SERINC5: variants seen among roughly 807,000 people sequenced by gnomAD.
The protein encoded by SERINC5 is serine incorporator 5, also known as chromosome 5 open reading frame 12.
A neutral mutation model predicts 63.1 loss-of-function variants in SERINC5; 41 were observed. That is an observed-to-expected ratio of 0.65 (90% CI 0.51 to 0.84). SERINC5 has a LOEUF of 0.84. SERINC5 is among the 40% of genes least tolerant of loss of function. The probability of loss-of-function intolerance (pLI) is 0.00; values close to 1 mark genes in which losing one functional copy is unlikely to be tolerated. For synonymous variants in SERINC5, 222 were observed against 215.2 expected (o/e 1.03, Z -0.28); for missense variants, 523 against 573.0 (o/e 0.91, Z 0.89).
chr5:80,176,012 C>A (rs1748009538), intron 4 of SERINC5, among the ~76,000 whole-genome samples: 1 of 151,866 alleles, frequency 6.6e-6, no homozygotes, highest in Non-Finnish European at 1.5e-5. Flanking sequence ...AACCCCGTCT[C>A]TACTAAAAAT....
At chr5:80,218,062 C>T (rs936662673) in intron 1 of SERINC5, among the ~76,000 whole-genome samples, 1 of 152,184 alleles carries the variant, frequency 6.6e-6, no homozygotes, top group Non-Finnish European at 1.5e-5. Flanking sequence ...AGGAAGTCAT[C>T]GTTAGTAGCT....
At position 80,140,540 on chromosome 5, in the gene SERINC5, T is replaced by C. The variant is rs1481095862; in HGVS notation, c.*3123A>G. 1 of 983,826 alleles carries C rather than the reference T, an allele frequency of 1.0e-6. No homozygotes were observed. The highest frequency in any genetic ancestry group is 1.2e-6 in the Non-Finnish European group (1 of 829,604). The allele number at this position is 983,826 out of a possible 1,614,324, so 60.9% of individuals were successfully genotyped here. A position where few individuals can be genotyped will look rare whatever the true frequency, so the allele number is the denominator to read the frequency against. On this transcript the variant is annotated 3_prime_UTR_variant, in exon 12 of 12. Coordinates refer to ENST00000507668, the MANE Select transcript of SERINC5 (RefSeq NM_001174072.3). ...CCAAATACCTCTGGCAAATAATTTC[T>C]TTTTCAGACAAAATGAAGAACCTTT... is the stretch of plus-strand genomic sequence containing the variant.
In SERINC5 at chr5:80,142,012, C is replaced by A. The variant is rs1172279479; in HGVS notation, c.*1651G>T. The A allele has an allele frequency of 3.0e-6, 3 of 985,272 alleles. No homozygotes were observed. Among genetic ancestry groups the A allele is most frequent in the Non-Finnish European group, 3.6e-6 (3 of 829,918 alleles). 61.0% of individuals were successfully genotyped at this position (985,272 alleles called of 1,614,324 possible). A position where few individuals can be genotyped will look rare whatever the true frequency, so the allele number is the denominator to read the frequency against. On this transcript the variant is annotated 3_prime_UTR_variant, in exon 12 of 12. Transcript: ENST00000507668. ...AATTTCACCCACCAGCATTTTGGCA[C>A]ACAGAAGCCCAGCTTAGGTGGCACT...
intron 2 of SERINC5, among the ~76,000 whole-genome samples, chr5:80,181,069 G>A (rs1020196408): frequency 2.0e-5 from 3 of 152,152 alleles, no homozygotes; most frequent in African/African-American, 7.2e-5. Context: ...AATGCATAGC[G>A]CTTTGACACA....
At chr5:80,216,696 G>A (rs1750682062) in intron 1 of SERINC5, among the ~76,000 whole-genome samples, 1 of 149,046 alleles carries the variant, frequency 6.7e-6, no homozygotes, top group South Asian at 2.1e-4. Flanking sequence ...AGTACCCATT[G>A]GGTTTTAAAT....
In SERINC5 at chr5:80,225,849, G is replaced by A. The variant is rs1244977920; in HGVS notation, c.28-22796C>T. Among the ~76,000 whole-genome samples, 6 of 152,282 alleles carry A rather than the reference G, an allele frequency of 3.9e-5. No individual in the cohort carries two copies. The South Asian group carries it at 8.3e-4, about 21-fold the overall frequency. ...TTTGCAGCACGTTCAACAATTTAAG[G>A]AGGCAGAGAATTATATCCTGTGCTT... On this transcript the variant is annotated intron_variant, in intron 1 of 11. Transcript: ENST00000507668.
intron 1 of SERINC5, among the ~76,000 whole-genome samples, chr5:80,207,141 G>C (rs371377465): frequency 6.6e-6 from 1 of 152,066 alleles, no homozygotes; most frequent in African/African-American, 2.4e-5. Context: ...TGGGACTACA[G>C]GCGCCCGCCA....
At chr5:80,247,514 C>T (rs112993980) in intron 1 of SERINC5, among the ~76,000 whole-genome samples, 1 of 152,192 alleles carries the variant, frequency 6.6e-6, no homozygotes, top group Non-Finnish European at 1.5e-5. Context: ...CAGTCCAAAG[C>T]TATTTGTCAG....
chr5:80,168,678 C>T (rs145794087), intron 6 of SERINC5, among the ~76,000 whole-genome samples: 4 of 152,176 alleles, frequency 2.6e-5, no homozygotes, highest in Non-Finnish European at 5.9e-5. Context: ...AGACACTATA[C>T]CCTGGCTTAA....
chr5:80,201,437 G>A (rs563103197), intron 2 of SERINC5, among the ~76,000 whole-genome samples: 6 of 152,296 alleles, frequency 3.9e-5, no homozygotes, highest in African/African-American at 1.2e-4. Context: ...TGCCCTTCCC[G>A]GGCACTGATG....
rs182196539 is a variant in SERINC5, at chr5:80,253,058, A to T, written c.27+2838T>A. Among the ~76,000 whole-genome samples the T allele has an allele frequency of 2.2e-4, 34 of 152,224 alleles. 1 individual carries two copies. In the East Asian group the frequency reaches 5.8e-3, roughly 26 times the overall value. On this transcript the variant is annotated intron_variant, in intron 1 of 11. Transcript: ENST00000507668. ...CCTCACCAAATGTCCTCTTCCTAAC[A>T]ATTTCCTACTTCACCTCAGTAATGC...
At chr5:80,233,447 C>T (rs191198451) in intron 1 of SERINC5, among the ~76,000 whole-genome samples, 1 of 152,008 alleles carries the variant, frequency 6.6e-6, no homozygotes, top group Non-Finnish European at 1.5e-5. Context: ...ATAATAATTT[C>T]TTTAGTTAAA....
intron 11 of SERINC5, among the ~76,000 whole-genome samples, chr5:80,115,798 T>C (rs1275581386): frequency 6.6e-6 from 1 of 152,028 alleles, no homozygotes; most frequent in African/African-American, 2.4e-5. Flanking sequence ...ACAAAAAGTA[T>C]AAATAGAGGT....
intron 8 of SERINC5, among the ~76,000 whole-genome samples, chr5:80,154,963 C>T (rs919051193): frequency 6.6e-6 from 1 of 152,056 alleles, no homozygotes; most frequent in Non-Finnish European, 1.5e-5. Flanking sequence ...GAAAAAGAGC[C>T]GGGGAGAGAC....
chr5:80,116,748 C>T (rs1398304456), intron 11 of SERINC5, among the ~76,000 whole-genome samples: 3 of 152,000 alleles, frequency 2.0e-5, no homozygotes, highest in Non-Finnish European at 2.9e-5. Context: ...ATGTCCTACA[C>T]TAGACGACTC....
At chr5:80,171,415 G>T (rs1305444440) in intron 5 of SERINC5, among the ~76,000 whole-genome samples, 3 of 152,166 alleles carry the variant, frequency 2.0e-5, no homozygotes, top group Non-Finnish European at 4.4e-5. Flanking sequence ...CCTTTACTAA[G>T]AGCCATACTG....
intron 1 of SERINC5, among the ~76,000 whole-genome samples, chr5:80,240,242 T>A (rs1751890280): frequency 6.6e-6 from 1 of 152,158 alleles, no homozygotes; most frequent in Non-Finnish European, 1.5e-5. Flanking sequence ...ACATTTGATG[T>A]TACAACTTTC....
rs777535379 is a variant in SERINC5, at chr5:80,202,910, G to A, written c.171C>T (p.Thr57=). ...VVLCCIMMST[T]VAHKMKEHIP... ...CGTGCTCTTTCATCTTGTGAGCCAC[G>A]GTTGTTGACATCATGATGCAGCAGA... The change falls in exon 2 of 12, where the codon ACC becomes ACT. Residue 57 remains threonine (T), a synonymous_variant. Transcript: ENST00000507668. 29 of 1,611,430 alleles carry A rather than the reference G, an allele frequency of 1.8e-5. No individual in the cohort carries two copies. Among genetic ancestry groups the A allele is most frequent in the South Asian group, 4.4e-5 (4 of 90,954 alleles).
chr5:80,209,306 T>G (rs1477319577), intron 1 of SERINC5, among the ~76,000 whole-genome samples: 1 of 152,182 alleles, frequency 6.6e-6, no homozygotes, highest in African/African-American at 2.4e-5. Flanking sequence ...ATACGACCAC[T>G]GGGGTGGTCC....
Sources: gnomAD v4.1 joint callset for allele counts (sites outside exome capture counted in the v4.1 genomes callset) on GRCh38, gnomAD v4.1.1 for gene constraint, MANE v1.5 for transcripts, NCBI Gene and HGNC (gene_info 2026-07-23, HGNC 2026-07-21) for gene names.